Variants in ALK observed in about 807,000 individuals in gnomAD.
The protein encoded by ALK is ALK receptor tyrosine kinase.
Under a neutral mutation model 163.1 loss-of-function variants are expected in ALK, and 74 were observed. That is an observed-to-expected ratio of 0.45 (90% CI 0.38 to 0.55). ALK has a LOEUF of 0.55. Among genes scored for constraint, ALK ranks in the 20% least tolerant of loss-of-function variants. The pLI, the probability that ALK is intolerant of heterozygous loss-of-function variation, is 0.00. For synonymous variants in ALK, 960 were observed against 843.2 expected (o/e 1.14, Z -2.40); for missense variants, 2,063 against 2,105.3 (o/e 0.98, Z 0.39).
At chr2:29,640,640 A>G (rs1676675812) in intron 3 of ALK, among the ~76,000 whole-genome samples, 1 of 152,160 alleles carries the variant, frequency 6.6e-6, no homozygotes, top group Non-Finnish European at 1.5e-5. Flanking sequence ...AGTCTTAGGT[A>G]TTTCTTTAGA....
chr2:29,244,564 C>T (rs13382970), intron 12 of ALK, among the ~76,000 whole-genome samples: 2,146 of 152,268 alleles, frequency 0.014, 43 homozygotes, highest in African/African-American at 0.048. Context: ...CCCTAAGTGC[C>T]TTGAAACACC....
chr2:29,860,983 C>A (rs1327260716), intron 1 of ALK, among the ~76,000 whole-genome samples: 1 of 152,018 alleles, frequency 6.6e-6, no homozygotes. Context: ...CCAACCTGGG[C>A]AACATAGTAA....
chr2:29,447,101 C>T (rs1028403935), intron 4 of ALK, among the ~76,000 whole-genome samples: 3 of 152,198 alleles, frequency 2.0e-5, no homozygotes, highest in Admixed American at 1.3e-4. Flanking sequence ...GCTGTAAACG[C>T]AGCTGGGGCC....
intron 3 of ALK, among the ~76,000 whole-genome samples, chr2:29,542,023 A>G (rs1340972459): frequency 6.6e-6 from 1 of 152,146 alleles, no homozygotes; most frequent in Non-Finnish European, 1.5e-5. Context: ...ATGGCAAATA[A>G]GCTTCTGCAT....
chr2:29,616,252 T>C (rs1230452215), intron 3 of ALK, among the ~76,000 whole-genome samples: 1 of 152,048 alleles, frequency 6.6e-6, no homozygotes, highest in Non-Finnish European at 1.5e-5. Context: ...TTGAAGATAG[T>C]CAGGGTTTCT....
intron 4 of ALK, among the ~76,000 whole-genome samples, chr2:29,504,304 C>A (rs1672259019): frequency 6.6e-6 from 1 of 152,112 alleles, no homozygotes; most frequent in African/African-American, 2.4e-5. Flanking sequence ...CCAGGTCACA[C>A]AGGGCTTTAG....
At chr2:29,543,384 T>C (rs983719948) in intron 3 of ALK, among the ~76,000 whole-genome samples, 3 of 152,240 alleles carry the variant, frequency 2.0e-5, no homozygotes, top group African/African-American at 7.2e-5. Flanking sequence ...GTTTGTCCTT[T>C]ATGCATAATT....
At chr2:29,462,141 T>C (rs971550885) in intron 4 of ALK, among the ~76,000 whole-genome samples, 3 of 152,046 alleles carry the variant, frequency 2.0e-5, no homozygotes, top group African/African-American at 7.2e-5. Context: ...GGAAGAGGAG[T>C]TGCTTTTTGT....
At chr2:29,653,756 A>C (rs1363368538) in intron 3 of ALK, among the ~76,000 whole-genome samples, 1 of 152,110 alleles carries the variant, frequency 6.6e-6, no homozygotes, top group Non-Finnish European at 1.5e-5. Flanking sequence ...GAAGATGAGA[A>C]AAAGTAGTAA....
intron 4 of ALK, among the ~76,000 whole-genome samples, chr2:29,399,853 A>G (rs1669400190): frequency 6.6e-6 from 1 of 152,206 alleles, no homozygotes; most frequent in Non-Finnish European, 1.5e-5. Flanking sequence ...GTACTGGGAT[A>G]ATGCAAGACT....
chr2:29,615,285 C>G (rs1282434069), intron 3 of ALK, among the ~76,000 whole-genome samples: 2 of 152,196 alleles, frequency 1.3e-5, no homozygotes, highest in Non-Finnish European at 2.9e-5. Flanking sequence ...GCACCCCTGA[C>G]TCTTGTCCTA....
intron 1 of ALK, among the ~76,000 whole-genome samples, chr2:29,726,583 C>T (rs1316129298): frequency 6.6e-6 from 1 of 152,188 alleles, no homozygotes; most frequent in African/African-American, 2.4e-5. Flanking sequence ...TATCCAAGAA[C>T]AACTGGCTCT....
intron 3 of ALK, among the ~76,000 whole-genome samples, chr2:29,582,276 G>A (rs917165734): frequency 1.1e-4 from 16 of 152,146 alleles, no homozygotes; most frequent in Admixed American, 5.9e-4. Flanking sequence ...GAAGATATTT[G>A]AATAGTACTC....
At chr2:29,678,104 GT>G (rs1301844747) in intron 3 of ALK, among the ~76,000 whole-genome samples, 1 of 151,998 alleles carries the variant, frequency 6.6e-6, no homozygotes, top group Non-Finnish European at 1.5e-5. Flanking sequence ...AGGATGTTTA[GT>G]TTCCCTTACA....
At chr2:29,511,627 G>A (rs376624199) in intron 4 of ALK, among the ~76,000 whole-genome samples, 6 of 152,158 alleles carry the variant, frequency 3.9e-5, no homozygotes, top group African/African-American at 7.2e-5. Context: ...GGGGACATAC[G>A]TTTTCATCCT....
In ALK at chr2:29,619,324, G is replaced by A. The variant is rs1675956664; in HGVS notation, c.952+75526C>T. 2.0e-5 allele frequency among the ~76,000 whole-genome samples: 3 copies of A among 152,188 alleles called. No homozygotes were observed. In the South Asian group the frequency reaches 6.2e-4, roughly 32 times the overall value. ...GCCTTAACCTCTCTAGGCCTCCTTG[G>A]GTATCATTGGTGCTTTCACGGAGCT... On this transcript the variant is annotated intron_variant, in intron 3 of 28. Transcript: ENST00000389048.
At chr2:29,856,533 G>A (rs1450295346) in intron 1 of ALK, among the ~76,000 whole-genome samples, 2 of 152,174 alleles carry the variant, frequency 1.3e-5, no homozygotes, top group African/African-American at 2.4e-5. Flanking sequence ...TAATTTGCTC[G>A]AGGTTGTGCA....
At chr2:29,196,997 C>T (rs911067548) in intron 27 of ALK, 137 bp from the exon 28 acceptor site, 2 of 706,034 alleles carry the variant, frequency 2.8e-6, no homozygotes, top group Admixed American at 2.1e-5. Context: ...CCTATGCTGC[C>T]CCCTGCTGAT....
At chr2:29,691,219 A>C (rs1395403047) in intron 3 of ALK, among the ~76,000 whole-genome samples, 2 of 152,234 alleles carry the variant, frequency 1.3e-5, no homozygotes, top group African/African-American at 4.8e-5. Flanking sequence ...CCATTACTGA[A>C]GCAGTGGATT....
Sources: allele counts gnomAD v4.1 joint callset (sites outside exome capture counted in the v4.1 genomes callset), GRCh38; gene constraint gnomAD v4.1.1; transcripts MANE v1.5; gene names NCBI Gene and HGNC (gene_info 2026-07-23, HGNC 2026-07-21).